Variants in DRC1 observed in about 807,000 individuals in gnomAD.
The protein encoded by DRC1 is dynein regulatory complex subunit 1, also known as dynein regulatory complex protein 1.
DRC1 carries 74 observed loss-of-function variants against 98.7 expected under a neutral mutation model. That is an observed-to-expected ratio of 0.75 (90% CI 0.62 to 0.91). The LOEUF (loss-of-function observed/expected upper bound fraction) is 0.91, where lower values mean the gene tolerates loss of function less well. DRC1 is among the 40% of genes least tolerant of loss of function. The pLI is 0.00. For synonymous variants in DRC1, 336 were observed against 334.1 expected, an observed-to-expected ratio of 1.01 and a Z score of -0.06; for missense variants, 875 against 886.0, an observed-to-expected ratio of 0.99 and a Z score of 0.16.
intron 14 of DRC1, 34 bp downstream of exon 14, chr2:26,453,583 C>A: frequency 6.3e-7 from 1 of 1,596,302 alleles, no homozygotes; most frequent in Non-Finnish European, 8.6e-7. Context: ...TGCCTGAGAC[C>A]AGAACCAGGG....
chr2:26,454,875 T>C lies in DRC1; in HGVS notation c.2063+85T>C. ...GGAGCAGCCGCGTTTGCTGCCTCCCTGTCCCACTGAACCTGGGAGGGAAGA... is the reference window on the plus strand; with the variant it reads ...GGAGCAGCCGCGTTTGCTGCCTCCCCGTCCCACTGAACCTGGGAGGGAAGA... On this transcript the variant is annotated intron_variant, in intron 15 of 16. Transcript: ENST00000288710. This position sits in a 1 kb window ranked among gnomAD's most constrained non-coding sequence, Gnocchi z 5.2. 2 of 1,584,870 alleles carry C rather than the reference T, an allele frequency of 1.3e-6. No homozygotes were observed. Among genetic ancestry groups the C allele is most frequent in the Non-Finnish European group, 1.7e-6 (2 of 1,161,004 alleles).
chr2:26,402,375 G>A lies in DRC1; in HGVS notation c.155+231G>A, dbSNP rs575153776. Among the ~76,000 whole-genome samples the A allele has an allele frequency of 5.5e-4, 84 of 152,322 alleles. 1 individual carries two copies. Among genetic ancestry groups the A allele is most frequent in the African/African-American group, 1.9e-3 (79 of 41,576 alleles). Reference sequence around the variant, plus strand: ...ATGGTCAACCTGGGCAGCATAGAGAGACCCCATCTCTATAAAACATCAAAC... The same window carrying A: ...ATGGTCAACCTGGGCAGCATAGAGAAACCCCATCTCTATAAAACATCAAAC... On this transcript the variant is annotated intron_variant, in intron 1 of 16. Transcript: ENST00000288710.
intron 1 of DRC1, among the ~76,000 whole-genome samples, chr2:26,410,036 A>C (rs1383326613): frequency 6.6e-6 from 1 of 151,894 alleles, no homozygotes; most frequent in East Asian, 1.9e-4. Flanking sequence ...AGAGGGAAAA[A>C]AAAGATCCTC....
At chr2:26,421,529 C>A in intron 3 of DRC1, 129 bp downstream of exon 3, 1 of 497,816 alleles carries the variant, frequency 2.0e-6, no homozygotes, top group Non-Finnish European at 3.4e-6. Context: ...TATAACTTCT[C>A]CCTCCCTCCC....
intron 7 of DRC1, among the ~76,000 whole-genome samples, chr2:26,439,804 C>T (rs1389486596): frequency 1.3e-5 from 2 of 151,134 alleles, no homozygotes; most frequent in Admixed American, 6.6e-5. Context: ...TGGCCTTTAA[C>T]TTGACTCTCA....
intron 11 of DRC1, among the ~76,000 whole-genome samples, chr2:26,449,642 G>A (rs932453640): frequency 2.0e-5 from 3 of 152,252 alleles, no homozygotes; most frequent in African/African-American, 7.2e-5. Context: ...CAAGACTATG[G>A]GTGAAGCAGG....
rs551327702 is a variant in DRC1, at chr2:26,419,176, A to G, written c.244-2112A>G. On this transcript the variant is annotated intron_variant, in intron 2 of 16. Coordinates refer to ENST00000288710, the MANE Select transcript of DRC1 (RefSeq NM_145038.5). ...ATTGCTGGGATTACAGGTGTGAGCC[A>G]CCATGCCCGGCTGAATGTTTTATTT... is the stretch of plus-strand genomic sequence containing the variant. 2.0e-5 allele frequency among the ~76,000 whole-genome samples: 3 copies of G among 152,228 alleles called. No homozygotes were observed. The South Asian group carries it at 6.2e-4, about 32-fold the overall frequency.
In DRC1 at chr2:26,454,797, G is replaced by A. The variant is rs1664099460; in HGVS notation, c.2063+7G>A. The A allele has an allele frequency of 6.2e-7, 1 of 1,614,030 alleles. No individual in the cohort carries two copies. The highest frequency in any genetic ancestry group is 1.3e-5 in the African/African-American group (1 of 75,040). ...CAGCCTTGGAGAAGTACCAGTAAGT[G>A]TGCATGTCATGGAGCAGGAGGGTGC... On this transcript the variant is annotated splice_region_variant and intron_variant, in intron 15 of 16. Transcript: ENST00000288710. This position sits in a 1 kb window ranked among gnomAD's most constrained non-coding sequence, Gnocchi z 5.2.
At chr2:26,428,367 T>C (rs1432288050) in intron 4 of DRC1, among the ~76,000 whole-genome samples, 1 of 152,248 alleles carries the variant, frequency 6.6e-6, no homozygotes, top group East Asian at 1.9e-4. Flanking sequence ...TATAACCTAC[T>C]ACACACCTAG....
intron 10 of DRC1, 170 bp from the exon 11 acceptor site, chr2:26,448,521 C>T (rs1295320948): frequency 2.7e-5 from 21 of 766,872 alleles, no homozygotes; most frequent in Middle Eastern, 2.2e-4. Context: ...CCCGCCTTCC[C>T]GCCACGTAAT....
chr2:26,440,936 T>A (rs181331097), intron 8 of DRC1, among the ~76,000 whole-genome samples: 1 of 152,354 alleles, frequency 6.6e-6, no homozygotes, highest in Non-Finnish European at 1.5e-5. Context: ...ACTGCATAGA[T>A]GCACTATGAT....
intron 1 of DRC1, among the ~76,000 whole-genome samples, chr2:26,410,044 C>T (rs986412601): frequency 6.7e-6 from 1 of 150,340 alleles, no homozygotes; most frequent in African/African-American, 2.4e-5. Flanking sequence ...AAAAAAGATC[C>T]TCAAAGAAAA....
rs755533241 is a variant in DRC1, at chr2:26,455,200, G to T, written c.2133G>T (p.Leu711=). The T allele has an allele frequency of 6.2e-6, 10 of 1,613,998 alleles. No homozygotes were observed. Among genetic ancestry groups the T allele is most frequent in the Non-Finnish European group, 8.5e-6 (10 of 1,180,026 alleles). ...NSSLEQQNTE[L]QALLQQYLNS... is the part of the protein sequence containing the mutation. ...CTCTGGAGCAGCAGAACACAGAGCTGCAGGCGCTACTGCAGCAGTATCTGA... is the reference window on the plus strand; with the variant it reads ...CTCTGGAGCAGCAGAACACAGAGCTTCAGGCGCTACTGCAGCAGTATCTGA... The change falls in exon 16 of 17, where the codon CTG becomes CTT. Residue 711 remains leucine (L), a synonymous_variant. Transcript: ENST00000288710.
In DRC1 at chr2:26,450,661, C is replaced by T. The variant is rs779986198; in HGVS notation, c.1669C>T (p.Arg557Cys). ...CTTCTTCCTTAAATATCGAGCTCAC[C>T]GTTTATCTTCCAGCCTCCAGGTAAG... is the stretch of plus-strand genomic sequence containing the variant. The part of the protein sequence containing the change: ...VNFFLKYRAH[R>C]LSSSLQIKPC... Residue 557 changes from arginine to cysteine, a missense_variant, in exon 13 of 17, where the codon CGT becomes TGT. Transcript: ENST00000288710. 3.1e-5 allele frequency: 49 copies of T among 1,605,472 alleles called. No individual in the cohort carries two copies. The highest frequency in any genetic ancestry group is 6.7e-5 in the East Asian group (3 of 44,558).
chr2:26,434,287 A>C (rs1663511949), intron 7 of DRC1, among the ~76,000 whole-genome samples: 1 of 152,206 alleles, frequency 6.6e-6, no homozygotes, highest in Non-Finnish European at 1.5e-5. Context: ...TAACAGAGCA[A>C]AGAGAAGCCT....
chr2:26,453,403 G>T lies in DRC1; in HGVS notation c.1773G>T (p.Gln591His). The change falls in exon 14 of 17, where the codon CAG (glutamine) becomes CAT (histidine). Residue 591 changes from glutamine to histidine, a missense_variant. Gln to His is a conservative substitution (Grantham distance 24). Transcript: ENST00000288710. The stretch of plus-strand genomic sequence containing the variant: ...GGTCAGAATTGGAGCTGGCAGAGCA[G>T]ACGGAGATGGAGGGAGAAAAGGAAG... Reference protein sequence around the residue: ...STRSELELAEQTEMEGEKEES... With the variant: ...STRSELELAEHTEMEGEKEES... 6.2e-7 allele frequency: 1 copy of T among 1,614,224 alleles called. No individual in the cohort carries two copies. Among genetic ancestry groups the T allele is most frequent in the Non-Finnish European group, 8.5e-7 (1 of 1,180,052 alleles).
chr2:26,452,851 A>G (rs1318654058), intron 13 of DRC1, among the ~76,000 whole-genome samples: 1 of 152,178 alleles, frequency 6.6e-6, no homozygotes, highest in Non-Finnish European at 1.5e-5. Context: ...ATGGAAAGGT[A>G]TGCGCATGTA....
intron 16 of DRC1, 83 bp downstream of exon 16, chr2:26,455,316 A>T (rs1664122087): frequency 7.6e-7 from 1 of 1,311,426 alleles, no homozygotes. Flanking sequence ...GGGAACGAGG[A>T]GTCCCCTCCC....
Position 26,412,868 on chromosome 2 carries a change from C to T in DRC1, c.156-1476C>T, listed in dbSNP as rs577922978. Reference sequence around the variant, plus strand: ...TCTCGGCTCGGCTCACTGCAAGCTCCGCCTCCCGGGTTCACGCCATTCTCC... The same window carrying T: ...TCTCGGCTCGGCTCACTGCAAGCTCTGCCTCCCGGGTTCACGCCATTCTCC... On this transcript the variant is annotated intron_variant, in intron 1 of 16. Coordinates refer to ENST00000288710, the MANE Select transcript of DRC1 (RefSeq NM_145038.5). 5.3e-5 allele frequency among the ~76,000 whole-genome samples: 8 copies of T among 152,258 alleles called. No homozygotes were observed. The South Asian group carries it at 1.2e-3, about 24-fold the overall frequency.
Sources: gnomAD v4.1 joint callset for allele counts (sites outside exome capture counted in the v4.1 genomes callset) on GRCh38, gnomAD v4.1.1 for gene constraint, Gnocchi (gnomAD v3.1) non-coding constraint, MANE v1.5 for transcripts, NCBI Gene and HGNC (gene_info 2026-07-23, HGNC 2026-07-21) for gene names.